RBFOX1: variants seen among roughly 807,000 people sequenced by gnomAD.
The protein encoded by RBFOX1 is RNA binding protein fox-1 homolog 1.
In RBFOX1, 8 loss-of-function variants were observed where a neutral mutation model predicts 57.7. The observed-to-expected ratio is 0.14, with a 90% CI of 0.08 to 0.25. The LOEUF (loss-of-function observed/expected upper bound fraction) is 0.25. Among genes scored for constraint, RBFOX1 ranks in the 10% least tolerant of loss-of-function variants. The pLI is 1.00. For missense variants in RBFOX1, 611 were observed against 548.5 expected, an observed-to-expected ratio of 1.11 and a Z score of -1.14; for synonymous variants, 326 against 222.4, an observed-to-expected ratio of 1.47 and a Z score of -4.15.
At chr16:6,832,417 T>G (rs942543514) in intron 3 of RBFOX1, among the ~76,000 whole-genome samples, 1 of 152,156 alleles carries the variant, frequency 6.6e-6, no homozygotes, top group Non-Finnish European at 1.5e-5. Flanking sequence ...GACTGAGGGG[T>G]CTGCATTACT....
At chr16:6,457,444 C>CCT (rs61557746) in intron 2 of RBFOX1, among the ~76,000 whole-genome samples, 77,950 of 132,878 alleles carry the variant, frequency 0.59, 27,290 homozygotes, top group East Asian at 0.79. Flanking sequence ...GAAGTCCCCC[C>CCT]CCCCGCAATA....
At chr16:7,350,828 T>C (rs2097115533) in intron 4 of RBFOX1, among the ~76,000 whole-genome samples, 1 of 152,128 alleles carries the variant, frequency 6.6e-6, no homozygotes, top group African/African-American at 2.4e-5. Context: ...TAGAAATGTA[T>C]CTGTGTCTGT....
In RBFOX1 at chr16:5,773,059, C is replaced by T. The variant is rs61656575; in HGVS notation, c.319-94244C>T. Among the ~76,000 whole-genome samples, 702 of 152,030 alleles carry T rather than the reference C, an allele frequency of 4.6e-3. 6 individuals carry two copies. Among genetic ancestry groups the T allele is most frequent in the African/African-American group, 0.015 (640 of 41,462 alleles). On this transcript the variant is annotated intron_variant, in intron 3 of 19. Coordinates refer to the RBFOX1 transcript ENST00000641259. The stretch of plus-strand genomic sequence containing the variant: ...ATGAAGTTGCGGAGGGGCAGGACAC[C>T]GTTGGGACTTTTGCTTACAATGAGA...
At chr16:7,499,139 TGAAGTCTGAGACAAAG>T (rs555946948) in intron 4 of RBFOX1, among the ~76,000 whole-genome samples, 32 of 152,310 alleles carry the variant, frequency 2.1e-4, no homozygotes, top group Admixed American at 3.9e-4. Context: ...TCTGGAGGCC[TGAAGTCTGAGACAAAG>T]GTGTGGATAG....
intron 1 of RBFOX1, among the ~76,000 whole-genome samples, chr16:6,293,078 C>G (rs892215939): frequency 2.0e-5 from 3 of 152,162 alleles, no homozygotes; most frequent in Admixed American, 6.5e-5. Context: ...TCCTCATAGC[C>G]ACACTCAGAT....
chr16:5,845,258 A>G (rs750973723), intron 3 of RBFOX1, among the ~76,000 whole-genome samples: 12 of 152,036 alleles, frequency 7.9e-5, no homozygotes, highest in East Asian at 1.9e-4. Context: ...AAAGTTTACA[A>G]AGCATTTCCA....
At chr16:7,708,942 C>A in intron 14 of RBFOX1, 114 bp from the exon 15 acceptor site, 1 of 904,100 alleles carries the variant, frequency 1.1e-6, no homozygotes, top group Non-Finnish European at 1.8e-6. Flanking sequence ...ATTTGCTTCT[C>A]ACTGGAAGAT....
At chr16:5,753,639 C>T (rs1210513345) in intron 3 of RBFOX1, among the ~76,000 whole-genome samples, 1 of 152,128 alleles carries the variant, frequency 6.6e-6, no homozygotes, top group South Asian at 2.1e-4. Context: ...ATATTGGCAG[C>T]TAGAAATTGG....
At chr16:6,939,188 G>C (rs1031798653) in intron 3 of RBFOX1, among the ~76,000 whole-genome samples, 5 of 152,086 alleles carry the variant, frequency 3.3e-5, no homozygotes, top group South Asian at 2.1e-4. Context: ...CCAATGAAGA[G>C]AAAAATAATT....
chr16:6,814,852 G>A (rs957704074), intron 3 of RBFOX1, among the ~76,000 whole-genome samples: 3 of 152,140 alleles, frequency 2.0e-5, no homozygotes, highest in South Asian at 2.1e-4. Flanking sequence ...TGATCCAGAC[G>A]CCAAGAGAGG....
chr16:7,294,918 A>C (rs1405615698), intron 4 of RBFOX1, among the ~76,000 whole-genome samples: 1 of 152,224 alleles, frequency 6.6e-6, no homozygotes, highest in East Asian at 1.9e-4. Context: ...TCTTATTAGA[A>C]GGATAAGATA....
intron 3 of RBFOX1, among the ~76,000 whole-genome samples, chr16:7,024,479 C>G (rs538284769): frequency 1.3e-5 from 2 of 152,276 alleles, no homozygotes; most frequent in South Asian, 4.1e-4. Flanking sequence ...CTCTCTCATG[C>G]ACTTCTTAAT....
chr16:6,030,251 A>G (rs868563155), intron 1 of RBFOX1, among the ~76,000 whole-genome samples: 4 of 152,150 alleles, frequency 2.6e-5, no homozygotes, highest in African/African-American at 7.2e-5. Context: ...TCTGTTGGCT[A>G]TTACTGTGTT....
At chr16:7,111,607 A>T (rs1049083934) in intron 4 of RBFOX1, among the ~76,000 whole-genome samples, 1 of 152,182 alleles carries the variant, frequency 6.6e-6, no homozygotes, top group Non-Finnish European at 1.5e-5. Flanking sequence ...GTGTCTGAGT[A>T]TCCTGGGAGT....
At chr16:6,000,405 G>C (rs1367537818) in intron 4 of RBFOX1, among the ~76,000 whole-genome samples, 1 of 152,160 alleles carries the variant, frequency 6.6e-6, no homozygotes, top group Non-Finnish European at 1.5e-5. Context: ...CACTGTGGGG[G>C]CGTTTCCTTT....
At chr16:6,944,375 C>G (rs187317576) in intron 3 of RBFOX1, among the ~76,000 whole-genome samples, 1 of 132,404 alleles carries the variant, frequency 7.6e-6, no homozygotes, top group Admixed American at 8.7e-5. Context: ...AGCCTGGCAA[C>G]AGAGCAAGAC....
At chr16:7,418,209 C>T (rs2098503429) in intron 4 of RBFOX1, among the ~76,000 whole-genome samples, 1 of 152,200 alleles carries the variant, frequency 6.6e-6, no homozygotes, top group African/African-American at 2.4e-5. Flanking sequence ...CCAGAAGCCT[C>T]CATGCCCCAT....
intron 3 of RBFOX1, among the ~76,000 whole-genome samples, chr16:6,847,084 C>T (rs911860930): frequency 6.6e-6 from 1 of 152,064 alleles, no homozygotes; most frequent in Non-Finnish European, 1.5e-5. Context: ...TCTTTCCTTC[C>T]CAGAGAACTT....
intron 3 of RBFOX1, among the ~76,000 whole-genome samples, chr16:5,615,934 G>C (rs1429770164): frequency 6.6e-6 from 1 of 152,136 alleles, no homozygotes; most frequent in Non-Finnish European, 1.5e-5. Context: ...TCTGTTAATG[G>C]GAACGCTTCT....
Sources: allele counts gnomAD v4.1 joint callset (sites outside exome capture counted in the v4.1 genomes callset), GRCh38; gene constraint gnomAD v4.1.1; transcripts MANE v1.5; gene names NCBI Gene and HGNC (gene_info 2026-07-23, HGNC 2026-07-21).